The following NKAPD1 variants were observed in gnomAD, a reference collection of about 807,000 sequenced individuals.
The protein encoded by NKAPD1 is uncharacterized protein NKAPD1.
In NKAPD1, 12 loss-of-function variants were observed where a neutral mutation model predicts 30.9. That is an observed-to-expected ratio of 0.39 (90% CI 0.25 to 0.63). The LOEUF is 0.63. NKAPD1 is among the 20% of genes least tolerant of loss of function. NKAPD1 has a pLI of 0.51. For synonymous variants in NKAPD1, 91 were observed against 113.6 expected (o/e 0.80, Z 1.26); for missense variants, 311 against 344.5 (o/e 0.90, Z 0.77).
chr11:112,082,700 C>T lies in NKAPD1; in HGVS notation c.610C>T (p.His204Tyr), dbSNP rs751211877. 3.1e-6 allele frequency: 5 copies of T among 1,613,896 alleles called. No homozygotes were observed. The African/African-American group carries it at 5.3e-5, about 17-fold the overall frequency. ...ASGTRKGKQP[H>Y]KRKKKSRKKS... ...TGGTACAAGGAAAGGGAAACAACCACATAAACGCAAGAAAAAATCCAGGAA... is the reference window on the plus strand; with the variant it reads ...TGGTACAAGGAAAGGGAAACAACCATATAAACGCAAGAAAAAATCCAGGAA... Residue 204 changes from histidine (H) to tyrosine (Y), a missense_variant, in exon 6 of 6, where the codon CAT (histidine) becomes TAT (tyrosine). Transcript: ENST00000393047.
intron 1 of NKAPD1, among the ~76,000 whole-genome samples, chr11:112,075,145 A>T (rs1044164709): frequency 6.6e-6 from 1 of 152,198 alleles, no homozygotes; most frequent in African/African-American, 2.4e-5. Context: ...AGTGCAAACT[A>T]TATTGGGATT....
intron 4 of NKAPD1, 44 bp from the exon 5 acceptor site, chr11:112,081,938 T>C (rs1347508329): frequency 6.5e-7 from 1 of 1,533,916 alleles, no homozygotes; most frequent in Non-Finnish European, 9.0e-7. Context: ...TTTCCAAAAA[T>C]GTATGCATTG....
rs760266898 is a variant in NKAPD1, at chr11:112,075,586, T to G, written c.12T>G (p.Ile4Met). MSR[I>M]PLGKVLLRNV... is the part of the protein sequence containing the mutation. ...TTTCAGATTGAAGAATGTCCCGGAT[T>G]CCACTGGGGAAGGTCCTCCTGAGGA... The change falls in exon 2 of 6, where the codon ATT becomes ATG. Residue 4 changes from isoleucine to methionine, a missense_variant. Physicochemically the swap from Ile to Met is conservative, Grantham distance 10. Transcript: ENST00000393047. 1 of 1,608,086 alleles carries G rather than the reference T, an allele frequency of 6.2e-7. No individual in the cohort carries two copies. Among genetic ancestry groups the G allele is most frequent in the East Asian group, 2.2e-5 (1 of 44,626 alleles).
At chr11:112,078,416 T>G (rs1031753499) in intron 3 of NKAPD1, 101 bp downstream of exon 3, 1 of 914,842 alleles carries the variant, frequency 1.1e-6, no homozygotes, top group East Asian at 2.7e-5. Context: ...AATTCAGTTC[T>G]GTGAGTCCTT....
intron 4 of NKAPD1, chr11:112,081,651 T>G: frequency 5.1e-6 from 1 of 195,746 alleles, no homozygotes. Flanking sequence ...AAAAAAATTG[T>G]CCCCATGTAG....
At chr11:112,082,095 G>C in intron 5 of NKAPD1, 60 bp downstream of exon 5, 1 of 1,393,550 alleles carries the variant, frequency 7.2e-7, no homozygotes, top group Middle Eastern at 2.0e-4. Context: ...ATTATAAATT[G>C]ATTTCTTAAC....
intron 2 of NKAPD1, among the ~76,000 whole-genome samples, chr11:112,077,787 T>C (rs1368081904): frequency 6.6e-6 from 1 of 152,104 alleles, no homozygotes; most frequent in East Asian, 1.9e-4. Context: ...TTCCTGATCA[T>C]AGCCCAGTCT....
rs1360741240 is a variant in NKAPD1, at chr11:112,080,487, G to A, written c.249G>A (p.Leu83=). Residue 83 remains leucine, a synonymous_variant, in exon 4 of 6, where the codon CTG becomes CTA. Coordinates refer to ENST00000393047, the MANE Select transcript of NKAPD1 (RefSeq NM_018195.4). Reference sequence around the variant, plus strand: ...CAAAGAATGAAATTTCTGGGACACTGGAAGATGATTTTCTTAAGGCTAAAT... The same window carrying A: ...CAAAGAATGAAATTTCTGGGACACTAGAAGATGATTTTCTTAAGGCTAAAT... ...WRPKNEISGT[L]EDDFLKAKSW... 9 of 1,614,006 alleles carry A rather than the reference G, an allele frequency of 5.6e-6. No homozygotes were observed. Among genetic ancestry groups the A allele is most frequent in the Non-Finnish European group, 6.8e-6 (8 of 1,179,976 alleles).
intron 4 of NKAPD1, chr11:112,081,739 C>CT: frequency 2.3e-6 from 1 of 433,156 alleles, no homozygotes; most frequent in Non-Finnish European, 4.1e-6. Context: ...GTTAGTGTTT[C>CT]TTAAGGAAAG....
In NKAPD1 at chr11:112,085,056, T is replaced by A. The variant is rs934244162; in HGVS notation, c.*2084T>A. On this transcript the variant is annotated 3_prime_UTR_variant, in exon 6 of 6. Transcript: ENST00000393047. The stretch of plus-strand genomic sequence containing the variant: ...TCTATATTAAATTCTAAAATGGGAT[T>A]AAAAGAAGAGTTGGAGAATTCACAC... The A allele has an allele frequency of 5.6e-5, 21 of 374,710 alleles. No homozygotes were observed. The highest frequency in any genetic ancestry group is 1.0e-4 in the Non-Finnish European group (21 of 208,432). 23.2% of individuals were successfully genotyped at this position (374,710 alleles called of 1,614,324 possible). A position where few individuals can be genotyped will look rare whatever the true frequency, so the allele number is the denominator to read the frequency against.
chr11:112,078,351 A>C, intron 3 of NKAPD1, 36 bp downstream of exon 3: 941 of 1,475,538 alleles, frequency 6.4e-4, no homozygotes, highest in Non-Finnish European at 8.0e-4. Context: ...AATAATTCTC[A>C]TCTTTTTCAG....
Position 112,082,656 on chromosome 11 carries a change from C to T in NKAPD1, c.566C>T (p.Ser189Leu), listed in dbSNP as rs764394154. ...DITADSSSEF[S>L]EETGASGTRK... ...ACAGCAGATTCCTCGAGTGAGTTCT[C>T]AGAAGAAACTGGGGCTTCTGGTACA... Residue 189 changes from serine (S) to leucine (L), a missense_variant, in exon 6 of 6, where the codon TCA becomes TTA. Physicochemically the swap from Ser to Leu is moderately radical, Grantham distance 145. Transcript: ENST00000393047. The T allele has an allele frequency of 1.9e-6, 3 of 1,613,944 alleles. No homozygotes were observed. The highest frequency in any genetic ancestry group is 3.3e-5 in the Admixed American group (2 of 59,984).
rs1157044611 is a variant in NKAPD1, at chr11:112,082,767, G to A, written c.677G>A (p.Ser226Asn). 6.2e-7 allele frequency: 1 copy of A among 1,613,704 alleles called. No individual in the cohort carries two copies. The highest frequency in any genetic ancestry group is 8.5e-7 in the Non-Finnish European group (1 of 1,180,002). The change falls in exon 6 of 6, where the codon AGT becomes AAT. Residue 226 changes from serine (S) to asparagine (N), a missense_variant. By Grantham distance (46) the Ser-to-Asn change is conservative (BLOSUM62 1). Coordinates refer to ENST00000393047, the MANE Select transcript of NKAPD1 (RefSeq NM_018195.4). ...KKPALFLEAE[S>N]NTSHSDDSAS... ...CCTGCTTTATTCTTAGAGGCAGAAA[G>A]TAACACTTCACATTCAGATGATTCA... is the stretch of plus-strand genomic sequence containing the variant.
In NKAPD1 at chr11:112,084,033, A is replaced by C. The variant is rs1380182656; in HGVS notation, c.*1061A>C. The C allele has an allele frequency of 1.3e-5, 2 of 152,660 alleles. No homozygotes were observed. The allele number at this position is 152,660 out of a possible 1,614,324, so 9.5% of individuals were successfully genotyped here. A position where few individuals can be genotyped will look rare whatever the true frequency, so the allele number is the denominator to read the frequency against. On this transcript the variant is annotated 3_prime_UTR_variant, in exon 6 of 6. Coordinates refer to ENST00000393047, the MANE Select transcript of NKAPD1 (RefSeq NM_018195.4). ...AACATATCACTGAAAGAAGGCTGGC[A>C]GAACGCAAGTGCATTTTTTCACTGT...
intron 3 of NKAPD1, 118 bp from the exon 4 acceptor site, chr11:112,080,287 TAAAC>T (rs1865419711): frequency 1.2e-6 from 1 of 822,078 alleles, no homozygotes; most frequent in African/African-American, 1.8e-5. Context: ...TTTTTTTTTT[TAAAC>T]AGTATCATGT....
Position 112,082,525 on chromosome 11 carries a change from C to A in NKAPD1, c.435C>A (p.Thr145=). 6.2e-7 allele frequency: 1 copy of A among 1,609,674 alleles called. No individual in the cohort carries two copies. The highest frequency in any genetic ancestry group is 1.3e-5 in the African/African-American group (1 of 74,170). The change falls in exon 6 of 6, where the codon ACC becomes ACA. Residue 145 remains threonine, a synonymous_variant. Coordinates refer to ENST00000393047, the MANE Select transcript of NKAPD1 (RefSeq NM_018195.4). The part of the protein sequence containing the change: ...KKTSPQVKSS[T]HESRKHKKSK... ...CATCTCCCCAGGTAAAGTCATCTAC[C>A]CATGAATCCCGCAAACACAAGAAGT... is the stretch of plus-strand genomic sequence containing the variant.
At chr11:112,080,317 C>T (rs1865420320) in intron 3 of NKAPD1, 92 bp from the exon 4 acceptor site, 1 of 1,216,282 alleles carries the variant, frequency 8.2e-7, no homozygotes, top group Non-Finnish European at 1.2e-6. Context: ...CCTTCCCCCT[C>T]AGCTTGTTCC....
In NKAPD1 at chr11:112,074,662, C is replaced by G. The variant is rs139932339; in HGVS notation, c.-263C>G. On this transcript the variant is annotated 5_prime_UTR_variant, in exon 1 of 6. Transcript: ENST00000393047. ...CAACCGGGCTGTCCGAATTCCGCCC[C>G]GGCTCAGCCTCCGGCCTCAGTCCGG... 5 of 395,852 alleles carry G rather than the reference C, an allele frequency of 1.3e-5. No homozygotes were observed. The East Asian group carries it at 1.8e-4, about 14-fold the overall frequency. 24.5% of individuals were successfully genotyped at this position (395,852 alleles called of 1,614,324 possible). A position where few individuals can be genotyped will look rare whatever the true frequency, so the allele number is the denominator to read the frequency against.
intron 4 of NKAPD1, 60 bp from the exon 5 acceptor site, chr11:112,081,922 C>T: frequency 2.8e-6 from 4 of 1,439,102 alleles, no homozygotes; most frequent in Non-Finnish European, 3.9e-6. Context: ...TCTAATGTTG[C>T]TTTAATTTCC....
Sources: gnomAD v4.1 joint callset for allele counts (sites outside exome capture counted in the v4.1 genomes callset) on GRCh38, gnomAD v4.1.1 for gene constraint, MANE v1.5 for transcripts, NCBI Gene and HGNC (gene_info 2026-07-23, HGNC 2026-07-21) for gene names.